Variants in LYSET observed in about 807,000 individuals in gnomAD.
The protein encoded by LYSET is GNPTAB cleavage and activity factor.
chr14:93,186,916 T>C, the LYSET span: 1 of 462,010 alleles, frequency 2.2e-6, no homozygotes, highest in Non-Finnish European at 3.9e-6. Context: ...GTCTGTTATT[T>C]GCATTCTTTA....
the LYSET span, chr14:93,186,516 C>T: frequency 1.9e-6 from 3 of 1,614,234 alleles, no homozygotes; most frequent in Non-Finnish European, 2.5e-6. Flanking sequence ...ACCTTACTTA[C>T]AGATGTTTTT....
At chr14:93,185,356 C>G in the LYSET span, 1 of 1,588,826 alleles carries the variant, frequency 6.3e-7, no homozygotes, top group Non-Finnish European at 8.6e-7. Context: ...GCTCACCTTT[C>G]TCCTAGCCGG....
chr14:93,185,577 GT>G, the LYSET span: 4 of 1,071,770 alleles, frequency 3.7e-6, no homozygotes, highest in East Asian at 2.5e-5. Context: ...GCCAGAAAGT[GT>G]TTCACCTGTC....
the LYSET span, chr14:93,186,399 A>G: frequency 6.2e-7 from 1 of 1,614,254 alleles, no homozygotes. Flanking sequence ...CTTGGAACAC[A>G]TTCAACAGCA....
chr14:93,185,265 G>A, the LYSET span: 1 of 666,620 alleles, frequency 1.5e-6, no homozygotes, highest in Non-Finnish European at 2.4e-6. Context: ...TCCGGCGGCG[G>A]CGACGGGGGC....
At chr14:93,185,085 G>C in the LYSET span, 1 of 151,224 alleles carries the variant, frequency 6.6e-6, no homozygotes, top group African/African-American at 2.4e-5. Context: ...GACCGCTGAC[G>C]GGCGCTGGGC....
At chr14:93,186,539 T>C in the LYSET span, 2 of 1,614,258 alleles carry the variant, frequency 1.2e-6, no homozygotes, top group Admixed American at 1.7e-5. Flanking sequence ...TCCTATACTC[T>C]TGTACAAGAG....
At chr14:93,187,016 A>T in the LYSET span, 1 of 238,936 alleles carries the variant, frequency 4.2e-6, no homozygotes, top group Non-Finnish European at 8.7e-6. Flanking sequence ...GAAAAAAATG[A>T]ATATGAACAT....
the LYSET span, among the ~76,000 whole-genome samples, chr14:93,187,685 G>C: frequency 2.0e-5 from 3 of 152,156 alleles, no homozygotes; most frequent in Non-Finnish European, 2.9e-5. Context: ...AGGATGGAGT[G>C]CAGTGGTGCA....
At chr14:93,186,492 G>T in the LYSET span, 1 of 1,614,192 alleles carries the variant, frequency 6.2e-7, no homozygotes, top group Non-Finnish European at 8.5e-7. Context: ...GGTGTGGACA[G>T]TTATTTTTCT....
chr14:93,187,979 G>A, the LYSET span, among the ~76,000 whole-genome samples: 2 of 150,960 alleles, frequency 1.3e-5, no homozygotes, highest in Non-Finnish European at 2.9e-5. Context: ...TTTATTTTGA[G>A]ATGGAGTCTT....
the LYSET span, among the ~76,000 whole-genome samples, chr14:93,185,791 T>G: frequency 3.4e-3 from 525 of 152,260 alleles, 3 homozygotes; most frequent in African/African-American, 0.012. Flanking sequence ...AAACAACCTG[T>G]AAGTTTTACA....
the LYSET span, among the ~76,000 whole-genome samples, chr14:93,185,713 A>G: frequency 6.6e-6 from 1 of 152,166 alleles, no homozygotes; most frequent in South Asian, 2.1e-4. Context: ...AGAACTCAGT[A>G]TATACTGAAA....
chr14:93,186,247 T>C, the LYSET span: 2 of 1,592,468 alleles, frequency 1.3e-6, no homozygotes, highest in Non-Finnish European at 1.7e-6. Flanking sequence ...GTATTTTCTT[T>C]TTTAATTTGA....
At chr14:93,187,993 CTG>C in the LYSET span, among the ~76,000 whole-genome samples, 1 of 151,318 alleles carries the variant, frequency 6.6e-6, no homozygotes, top group African/African-American at 2.4e-5. Flanking sequence ...GAGTCTTGCT[CTG>C]TAGCCCAGAC....
the LYSET span, chr14:93,185,486 G>GT: frequency 6.2e-7 from 1 of 1,611,140 alleles, no homozygotes; most frequent in Non-Finnish European, 8.5e-7. Context: ...CGGGACCATT[G>GT]TAAGTGCTTA....
chr14:93,187,030 C>T, the LYSET span: 6 of 218,038 alleles, frequency 2.8e-5, no homozygotes, highest in African/African-American at 1.4e-4. Context: ...TGAACATTTC[C>T]ATTGTGTTAA....
the LYSET span, among the ~76,000 whole-genome samples, chr14:93,185,691 C>T: frequency 6.6e-6 from 1 of 152,008 alleles, no homozygotes; most frequent in Non-Finnish European, 1.5e-5. Context: ...TGAGGGATTC[C>T]CGTTAAAAAG....
chr14:93,187,025 A>T, the LYSET span: 1 of 224,976 alleles, frequency 4.4e-6, no homozygotes, highest in Non-Finnish European at 9.4e-6. Flanking sequence ...GAATATGAAC[A>T]TTTCCATTGT....
Sources: gnomAD v4.1 joint callset for allele counts (sites outside exome capture counted in the v4.1 genomes callset) on GRCh38, gnomAD v4.1.1 for gene constraint, MANE v1.5 for transcripts, NCBI Gene and HGNC (gene_info 2026-07-23, HGNC 2026-07-21) for gene names.